The following CSMD1 variants were observed in gnomAD, a reference collection of about 807,000 sequenced individuals.
CSMD1 encodes CUB and sushi domain-containing protein 1.
Under a neutral mutation model 417.5 loss-of-function variants are expected in CSMD1, and 213 were observed. That is an observed-to-expected ratio of 0.51 (90% CI 0.46 to 0.57). CSMD1 has a LOEUF of 0.57. Among genes scored for constraint, CSMD1 ranks in the 20% least tolerant of loss-of-function variants. The pLI is 0.00. For synonymous variants in CSMD1, 2,862 were observed against 1,736.8 expected (o/e 1.65, Z -16.11); for missense variants, 6,923 against 4,529.7 (o/e 1.53, Z -15.17).
At chr8:4,453,730 T>C (rs76211787) in intron 2 of CSMD1, among the ~76,000 whole-genome samples, 21,446 of 147,534 alleles carry the variant, frequency 0.15, 1,625 homozygotes, top group South Asian at 0.22. Context: ...GGCTTAACCA[T>C]CCCCAAACGT....
intron 3 of CSMD1, among the ~76,000 whole-genome samples, chr8:4,360,100 T>A (rs4875338): frequency 0.36 from 55,179 of 151,982 alleles, 11,567 homozygotes; most frequent in East Asian, 0.52. Context: ...TTAACATATC[T>A]GTATGTCTGG....
At position 3,181,441 on chromosome 8, in the gene CSMD1, C is replaced by G. The variant is rs563006728; in HGVS notation, c.5621-227G>C. The stretch of plus-strand genomic sequence containing the variant: ...CTGACCTGCTCAAGTCGATGTGACA[C>G]CTTTCTCTTGTACAAAAACTCCTAT... On this transcript the variant is annotated intron_variant, in intron 36 of 69. Transcript: ENST00000635120. 6.6e-5 allele frequency among the ~76,000 whole-genome samples: 10 copies of G among 152,278 alleles called. 1 individual carries two copies. The South Asian group carries it at 2.1e-3, about 32-fold the overall frequency.
chr8:4,179,938 G>C (rs1396139743), intron 3 of CSMD1, among the ~76,000 whole-genome samples: 1 of 152,138 alleles, frequency 6.6e-6, no homozygotes, highest in Admixed American at 6.5e-5. Context: ...AAAGGTGCTG[G>C]AGAGGATGTG....
intron 2 of CSMD1, among the ~76,000 whole-genome samples, chr8:4,624,647 T>G (rs1310364662): frequency 6.6e-6 from 1 of 152,158 alleles, no homozygotes; most frequent in African/African-American, 2.4e-5. Flanking sequence ...GGTGGGTCGG[T>G]GCCCAGCAGC....
intron 1 of CSMD1, among the ~76,000 whole-genome samples, chr8:4,830,573 C>A (rs1449493435): frequency 1.3e-5 from 2 of 152,148 alleles, no homozygotes; most frequent in Non-Finnish European, 2.9e-5. Flanking sequence ...TAAGCCATTA[C>A]AAATTAGATA....
intron 4 of CSMD1, among the ~76,000 whole-genome samples, chr8:4,026,350 A>C (rs1797064730): frequency 6.6e-6 from 1 of 152,240 alleles, no homozygotes; most frequent in Non-Finnish European, 1.5e-5. Context: ...AATACAGAAG[A>C]ACAAAGTTTC....
At chr8:3,059,135 T>C (rs1812421308) in intron 49 of CSMD1, among the ~76,000 whole-genome samples, 1 of 151,528 alleles carries the variant, frequency 6.6e-6, no homozygotes, top group Admixed American at 6.6e-5. Flanking sequence ...AATGAAGGTC[T>C]CCCCATCCCA....
chr8:3,055,752 T>A (rs1040267733), intron 49 of CSMD1, among the ~76,000 whole-genome samples: 4 of 152,232 alleles, frequency 2.6e-5, no homozygotes, highest in African/African-American at 7.2e-5. Context: ...CTTAGGCGAA[T>A]AATCATTTAT....
chr8:4,009,661 G>C lies in CSMD1; in HGVS notation c.611-11551C>G, dbSNP rs76798748. Among the ~76,000 whole-genome samples, 446 of 152,230 alleles carry C rather than the reference G, an allele frequency of 2.9e-3. 12 individuals carry two copies. The East Asian group carries it at 0.056, about 19-fold the overall frequency. On this transcript the variant is annotated intron_variant, in intron 4 of 69. Transcript: ENST00000635120. ...ATACACCCACATATGTAATATAATAGCTTGTAATACTGGGAGATATTATTG... is the reference window on the plus strand; with the variant it reads ...ATACACCCACATATGTAATATAATACCTTGTAATACTGGGAGATATTATTG...
chr8:3,213,157 G>T (rs892596648), intron 30 of CSMD1, among the ~76,000 whole-genome samples: 1 of 152,022 alleles, frequency 6.6e-6, no homozygotes, highest in African/African-American at 2.4e-5. Flanking sequence ...ATGTTTATTT[G>T]GCCTGAAGCT....
chr8:3,205,489 C>T lies in CSMD1; in HGVS notation c.4984+15G>A. The T allele has an allele frequency of 8.1e-7, 1 of 1,239,580 alleles. No homozygotes were observed. The highest frequency in any genetic ancestry group is 1.2e-6 in the Non-Finnish European group (1 of 869,478). The allele number at this position is 1,239,580 out of a possible 1,614,324, so 76.8% of individuals were successfully genotyped here. On this transcript the variant is annotated intron_variant, in intron 31 of 69. Transcript: ENST00000635120. ...GAAATATGACAATGAATTAAAAATA[C>T]AAGGACATCCTTACCGAATTCCTTT...
rs112751243 is a variant in CSMD1, at chr8:3,456,448, C to G, written c.1561+12264G>C. Among the ~76,000 whole-genome samples, 299 of 152,292 alleles carry G rather than the reference C, an allele frequency of 2.0e-3. 1 individual carries two copies. Among genetic ancestry groups the G allele is most frequent in the Non-Finnish European group, 3.8e-3 (259 of 68,016 alleles). ...TTGGCCATCTTGGCTCCACCCCTTA[C>G]TCTCCTATTTTCTAATACAATTTAG... On this transcript the variant is annotated intron_variant, in intron 12 of 69. Coordinates refer to ENST00000635120, the MANE Select transcript of CSMD1 (RefSeq NM_033225.6).
At chr8:3,988,973 C>T (rs2130263214) in intron 5 of CSMD1, among the ~76,000 whole-genome samples, 1 of 152,284 alleles carries the variant, frequency 6.6e-6, no homozygotes, top group East Asian at 1.9e-4. Flanking sequence ...ATTTGCTGAA[C>T]ATAGACTTTT....
At chr8:4,059,196 G>A (rs531734834) in intron 3 of CSMD1, among the ~76,000 whole-genome samples, 2 of 152,026 alleles carry the variant, frequency 1.3e-5, no homozygotes, top group Non-Finnish European at 2.9e-5. Context: ...ATGACTACTG[G>A]GTACATAACG....
At chr8:4,353,581 G>A (rs890298284) in intron 3 of CSMD1, among the ~76,000 whole-genome samples, 17 of 151,644 alleles carry the variant, frequency 1.1e-4, no homozygotes, top group Admixed American at 7.9e-4. Context: ...GCCCAAAGTA[G>A]CATATCCTGA....
chr8:4,289,232 C>T (rs117023729), intron 3 of CSMD1, among the ~76,000 whole-genome samples: 1,851 of 152,294 alleles, frequency 0.012, 25 homozygotes, highest in Non-Finnish European at 0.017. Flanking sequence ...GGTCATTTCT[C>T]ATATTGTTAT....
At chr8:4,217,312 C>T (rs1585041169) in intron 3 of CSMD1, among the ~76,000 whole-genome samples, 1 of 152,164 alleles carries the variant, frequency 6.6e-6, no homozygotes, top group African/African-American at 2.4e-5. Context: ...CACTGTGAAT[C>T]CCCTGTGTGC....
At chr8:3,218,257 T>C (rs1797995382) in intron 29 of CSMD1, among the ~76,000 whole-genome samples, 1 of 151,846 alleles carries the variant, frequency 6.6e-6, no homozygotes, top group Non-Finnish European at 1.5e-5. Context: ...ACATGGAAAA[T>C]GTTGAGATAA....
At chr8:3,415,191 G>A (rs896097825) in intron 12 of CSMD1, among the ~76,000 whole-genome samples, 1 of 152,076 alleles carries the variant, frequency 6.6e-6, no homozygotes, top group African/African-American at 2.4e-5. Context: ...TGAAATATGT[G>A]TACGTATCAT....
Sources: allele counts gnomAD v4.1 joint callset (sites outside exome capture counted in the v4.1 genomes callset), GRCh38; gene constraint gnomAD v4.1.1; transcripts MANE v1.5; gene names NCBI Gene and HGNC (gene_info 2026-07-23, HGNC 2026-07-21).